BOLL: variants seen among roughly 807,000 people sequenced by gnomAD.
BOLL encodes protein boule-like.
Under a neutral mutation model 44.4 loss-of-function variants are expected in BOLL, and 23 were observed. The observed-to-expected ratio is 0.52, with a 90% CI of 0.37 to 0.73. The LOEUF (loss-of-function observed/expected upper bound fraction) is 0.73. Among genes scored for constraint, BOLL ranks in the 30% least tolerant of loss-of-function variants. The pLI is 0.00. For missense variants in BOLL, 287 were observed against 338.3 expected (o/e 0.85, Z 1.19); for synonymous variants, 97 against 110.8 (o/e 0.88, Z 0.78).
At position 197,743,075 on chromosome 2, in the gene BOLL, G is replaced by T; in HGVS notation, c.814C>A (p.Pro272Thr). 1 of 1,595,052 alleles carries T rather than the reference G, an allele frequency of 6.3e-7. No homozygotes were observed. The highest frequency in any genetic ancestry group is 2.3e-5 in the East Asian group (1 of 44,168). Residue 272 changes from proline (P) to threonine (T), a missense_variant, in exon 10 of 11, where the codon CCT becomes ACT. Transcript: ENST00000392296. The part of the protein sequence containing the change: ...AITMPAPVMQ[P>T]EPIKTVWSIH... ...AAATTTCTTACTTTAATTGGCTCAG[G>T]CTGCATCACAGGCGCAGGCATAGTG...
intron 10 of BOLL, among the ~76,000 whole-genome samples, chr2:197,729,429 G>A (rs1032553786): frequency 3.0e-4 from 45 of 152,198 alleles, no homozygotes; most frequent in African/African-American, 1.1e-3. Context: ...GGTAAACAAA[G>A]CAGCTGGGAA....
At position 197,784,963 on chromosome 2, in the gene BOLL, C is replaced by A. The variant is rs1690000875; in HGVS notation, c.-16+93G>T. On this transcript the variant is annotated intron_variant, in intron 1 of 10. Transcript: ENST00000392296. ...AGTTTATTAAACTACTCCTCCAAAG[C>A]AATGTGCCCTCACTGGCCCCTCCCC... 4 of 985,840 alleles carry A rather than the reference C, an allele frequency of 4.1e-6. No homozygotes were observed. In the South Asian group the frequency reaches 1.9e-4, roughly 46 times the overall value. 61.1% of individuals were successfully genotyped at this position (985,840 alleles called of 1,614,324 possible).
At chr2:197,765,699 A>G (rs867553544) in intron 7 of BOLL, among the ~76,000 whole-genome samples, 1 of 151,216 alleles carries the variant, frequency 6.6e-6, no homozygotes, top group Non-Finnish European at 1.5e-5. Context: ...ATTTTATTTT[A>G]CTTATTTTTA....
At chr2:197,775,589 G>T in intron 5 of BOLL, 76 bp downstream of exon 5, 1 of 951,938 alleles carries the variant, frequency 1.1e-6, no homozygotes, top group Non-Finnish European at 1.6e-6. Flanking sequence ...TTTTAATAAA[G>T]TTCTATAAAA....
At chr2:197,759,018 AAG>A in intron 7 of BOLL, 1 of 1,535,150 alleles carries the variant, frequency 6.5e-7, no homozygotes, top group Non-Finnish European at 8.7e-7. Flanking sequence ...CTCGTAAAAA[AAG>A]AGAGGCATGA....
In BOLL at chr2:197,771,903, A is replaced by G; in HGVS notation, c.432T>C (p.Val144=). ...TGYPYTYHNG[V]AYFHTPEVTS... Reference sequence around the variant, plus strand: ...TTACCTCTGGAGTATGAAAATAAGCAACACCATTATGGTAAGTATAAGGAT... The same window carrying G: ...TTACCTCTGGAGTATGAAAATAAGCGACACCATTATGGTAAGTATAAGGAT... Residue 144 remains valine, a synonymous_variant, in exon 6 of 11, where the codon GTT becomes GTC. Coordinates refer to ENST00000392296, the MANE Select transcript of BOLL (RefSeq NM_033030.6). 6.3e-7 allele frequency: 1 copy of G among 1,599,566 alleles called. No individual in the cohort carries two copies. The highest frequency in any genetic ancestry group is 1.1e-5 in the South Asian group (1 of 88,134).
At chr2:197,768,335 C>A (rs1197274215) in intron 6 of BOLL, among the ~76,000 whole-genome samples, 1 of 151,224 alleles carries the variant, frequency 6.6e-6, no homozygotes, top group African/African-American at 2.4e-5. Context: ...TAATGCAATT[C>A]TAATAAAAAA....
chr2:197,766,402 G>C, intron 7 of BOLL, 130 bp downstream of exon 7: 1 of 812,474 alleles, frequency 1.2e-6, no homozygotes, highest in Non-Finnish European at 2.0e-6. Context: ...ATGTGGTTTT[G>C]ATTCACATTT....
chr2:197,750,871 T>C (rs1022094334), intron 9 of BOLL, among the ~76,000 whole-genome samples: 2 of 152,148 alleles, frequency 1.3e-5, no homozygotes, highest in African/African-American at 2.4e-5. Flanking sequence ...ATAGCACTTA[T>C]TGTAAAATTG....
rs1686931717 is a variant in BOLL at position 197,728,189 on chromosome 2, C to T, written c.*366G>A. On this transcript the variant is annotated 3_prime_UTR_variant, in exon 11 of 11. Coordinates refer to ENST00000392296, the MANE Select transcript of BOLL (RefSeq NM_033030.6). ...AAATATCAAATAATATGAAACATAA[C>T]ATCTAATTGTTTGATAAGAAAAAAT... 8.4e-6 allele frequency: 3 copies of T among 355,986 alleles called. No homozygotes were observed. The highest frequency in any genetic ancestry group is 4.3e-5 in the Admixed American group (1 of 23,040). 22.1% of individuals were successfully genotyped at this position (355,986 alleles called of 1,614,324 possible). A position where few individuals can be genotyped will look rare whatever the true frequency, so the allele number is the denominator to read the frequency against.
Position 197,766,386 on chromosome 2 carries a change from A to G in BOLL, c.552+146T>C, listed in dbSNP as rs530142039. On this transcript the variant is annotated intron_variant, in intron 7 of 10. Transcript: ENST00000392296. ...GCCATTCTGACTGGTGTGAGATGGT[A>G]TATCAATGTGGTTTTGATTCACATT... 145 of 713,128 alleles carry G rather than the reference A, an allele frequency of 2.0e-4. 1 individual carries two copies. In the African/African-American group the frequency reaches 2.5e-3, roughly 12 times the overall value. 44.2% of individuals were successfully genotyped at this position (713,128 alleles called of 1,614,324 possible). A position where few individuals can be genotyped will look rare whatever the true frequency, so the allele number is the denominator to read the frequency against.
intron 10 of BOLL, among the ~76,000 whole-genome samples, chr2:197,732,513 A>G (rs1326512981): frequency 2.0e-5 from 3 of 152,070 alleles, no homozygotes; most frequent in African/African-American, 7.3e-5. Context: ...ACAAAAAAAG[A>G]GAATTTTAGA....
In BOLL at chr2:197,785,029, G is replaced by A; in HGVS notation, c.-16+27C>T. 1.0e-6 allele frequency: 1 copy of A among 986,008 alleles called. No individual in the cohort carries two copies. The highest frequency in any genetic ancestry group is 1.2e-6 in the Non-Finnish European group (1 of 829,958). The allele number at this position is 986,008 out of a possible 1,614,324, so 61.1% of individuals were successfully genotyped here. A position where few individuals can be genotyped will look rare whatever the true frequency, so the allele number is the denominator to read the frequency against. On this transcript the variant is annotated intron_variant, in intron 1 of 10. Transcript: ENST00000392296. The surrounding 1 kb of genome is among the most constrained non-coding windows in gnomAD (Gnocchi z 6.7). Reference sequence around the variant, plus strand: ...GAGATCTAGCATCTATTTTGCAAACGAAGACAGCAGGAACGGGCGGGCTAA... The same window carrying A: ...GAGATCTAGCATCTATTTTGCAAACAAAGACAGCAGGAACGGGCGGGCTAA...
chr2:197,782,860 TA>T (rs1401452070), intron 1 of BOLL, among the ~76,000 whole-genome samples: 1 of 152,212 alleles, frequency 6.6e-6, no homozygotes, highest in Non-Finnish European at 1.5e-5. Flanking sequence ...TTGTAGCTCA[TA>T]AATGTTTATT....
chr2:197,735,924 A>T (rs1469460801), intron 10 of BOLL, among the ~76,000 whole-genome samples: 1 of 152,088 alleles, frequency 6.6e-6, no homozygotes, highest in Non-Finnish European at 1.5e-5. Context: ...GTCATAGTTA[A>T]GAGGGAGGCA....
chr2:197,781,910 C>A (rs1276308104), intron 1 of BOLL, 45 bp from the exon 2 acceptor site: 9 of 1,464,644 alleles, frequency 6.1e-6, no homozygotes, highest in South Asian at 3.2e-5. Context: ...GGGTATAATG[C>A]AGTCTGCTTT....
At chr2:197,768,241 A>C (rs746088411) in intron 6 of BOLL, among the ~76,000 whole-genome samples, 3 of 152,068 alleles carry the variant, frequency 2.0e-5, no homozygotes, top group Non-Finnish European at 4.4e-5. Flanking sequence ...AATAAGACAA[A>C]TAAATGGAGA....
chr2:197,772,643 C>T (rs1302380072), intron 5 of BOLL, among the ~76,000 whole-genome samples: 1 of 151,766 alleles, frequency 6.6e-6, no homozygotes, highest in African/African-American at 2.4e-5. Flanking sequence ...GTCTGGGGTC[C>T]CCAACTCTTT....
intron 9 of BOLL, among the ~76,000 whole-genome samples, chr2:197,747,875 C>T (rs553725276): frequency 4.4e-4 from 67 of 152,290 alleles, no homozygotes; most frequent in African/African-American, 1.4e-3. Flanking sequence ...TTACAACCAT[C>T]TGATTTTCAA....
Sources: gnomAD v4.1 joint callset for allele counts (sites outside exome capture counted in the v4.1 genomes callset) on GRCh38, gnomAD v4.1.1 for gene constraint, Gnocchi (gnomAD v3.1) non-coding constraint, MANE v1.5 for transcripts, NCBI Gene and HGNC (gene_info 2026-07-23, HGNC 2026-07-21) for gene names.